SAMD8: variants seen among roughly 807,000 people sequenced by gnomAD.
SAMD8 encodes sphingomyelin synthase-related protein 1.
In SAMD8, 20 loss-of-function variants were observed where a neutral mutation model predicts 42.0. That is an observed-to-expected ratio of 0.48 (90% CI 0.34 to 0.69). The LOEUF is 0.69. SAMD8 is among the 30% of genes least tolerant of loss of function. The pLI, the probability that SAMD8 is intolerant of heterozygous loss-of-function variation, is 0.01. For missense variants in SAMD8, 328 were observed against 511.6 expected, an observed-to-expected ratio of 0.64 and a Z score of 3.46; for synonymous variants, 162 against 173.0, an observed-to-expected ratio of 0.94 and a Z score of 0.50.
chr10:75,109,339 T>C, upstream of SAMD8: 1 of 553,130 alleles, frequency 1.8e-6, no homozygotes, highest in Middle Eastern at 4.4e-4. Flanking sequence ...CCAAACTCCA[T>C]GAGAACACAG....
chr10:75,171,567 C>T (rs1266869439), intron 4 of SAMD8, among the ~76,000 whole-genome samples: 1 of 152,050 alleles, frequency 6.6e-6, no homozygotes, highest in East Asian at 1.9e-4. Context: ...TTGTGGATAC[C>T]AGGCTCCAAA....
At chr10:75,152,900 C>G (rs1345146785) in intron 2 of SAMD8, among the ~76,000 whole-genome samples, 2 of 152,132 alleles carry the variant, frequency 1.3e-5, no homozygotes, top group African/African-American at 4.8e-5. Context: ...AAACAGTAAA[C>G]AAGTACTCAG....
intron 2 of SAMD8, among the ~76,000 whole-genome samples, chr10:75,156,414 CTA>C (rs1163470776): frequency 4.6e-5 from 7 of 152,132 alleles, no homozygotes. Context: ...ATGATAAAAT[CTA>C]TTAGGTGAAA....
rs576320629 is a variant in SAMD8 at position 75,147,329 on chromosome 10, AT to A, written c.-15-3176del. Among the ~76,000 whole-genome samples, 3 of 151,360 alleles carry A rather than the reference AT, an allele frequency of 2.0e-5. No homozygotes were observed. The East Asian group carries it at 5.8e-4, about 29-fold the overall frequency. ...AAATCTGGCCTTGTATTTTTTATTTATTTTTTTTTATTTTTGAGACGGAGTC... is the reference window on the plus strand; with the variant it reads ...AAATCTGGCCTTGTATTTTTTATTTATTTTTTTTATTTTTGAGACGGAGTC... On this transcript the variant is annotated intron_variant, in intron 1 of 5. Coordinates refer to ENST00000542569, the MANE Select transcript of SAMD8 (RefSeq NM_001174156.2).
chr10:75,176,613 G>A lies in SAMD8; in HGVS notation c.1169G>A (p.Cys390Tyr). Residue 390 changes from cysteine (C) to tyrosine (Y), a missense_variant, in exon 6 of 6, where the codon TGC becomes TAC. Around this residue, in one of 2 missense-constraint regions of SAMD8, gnomAD observed 178 missense variants for 325.6 expected, o/e 0.55. Coordinates refer to ENST00000542569, the MANE Select transcript of SAMD8 (RefSeq NM_001174156.2). This position sits in a 1 kb window ranked among gnomAD's most constrained non-coding sequence, Gnocchi z 4.3. ...TTTCCCATGTTCTCTTTTTTTGAAT[G>A]CAATGTTAATGGCACAGTACCTAAT... ...IWFPMFSFFE[C>Y]NVNGTVPNEY... The A allele has an allele frequency of 6.5e-7, 1 of 1,550,374 alleles. No homozygotes were observed. Among genetic ancestry groups the A allele is most frequent in the Non-Finnish European group, 8.7e-7 (1 of 1,146,856 alleles).
chr10:75,107,976 G>C, upstream of SAMD8: 1 of 1,603,036 alleles, frequency 6.2e-7, no homozygotes, highest in Non-Finnish European at 8.5e-7. Context: ...ATATGGGCTT[G>C]GACCCCAAGT....
chr10:75,118,699 T>A (rs1246271086), intron 1 of SAMD8, among the ~76,000 whole-genome samples: 1 of 152,196 alleles, frequency 6.6e-6, no homozygotes, highest in Non-Finnish European at 1.5e-5. Flanking sequence ...GAGTAGTTTT[T>A]GTTTGCTGAA....
intron 1 of SAMD8, chr10:75,103,975 C>T: frequency 7.5e-7 from 1 of 1,340,056 alleles, no homozygotes; most frequent in African/African-American, 1.5e-5. Flanking sequence ...TAGGGCCGAC[C>T]CCACGCTGGG....
Position 75,181,974 on chromosome 10 carries a change from G to A in SAMD8, c.*5282G>A, listed in dbSNP as rs1589986189. ...ATTACTTGAAGATGTGAAAGTTCCT[G>A]TGGTAGCCATACCTTGAAGCACAGT... On this transcript the variant is annotated 3_prime_UTR_variant, in exon 6 of 6. Transcript: ENST00000542569. 1 of 152,150 alleles carries A rather than the reference G, an allele frequency of 6.6e-6. No individual in the cohort carries two copies. Among genetic ancestry groups the A allele is most frequent in the African/African-American group, 2.4e-5 (1 of 41,440 alleles). The allele number at this position is 152,150 out of a possible 1,614,324, so 9.4% of individuals were successfully genotyped here.
At chr10:75,143,902 A>G (rs1840075348) in intron 1 of SAMD8, among the ~76,000 whole-genome samples, 1 of 149,112 alleles carries the variant, frequency 6.7e-6, no homozygotes, top group African/African-American at 2.5e-5. Flanking sequence ...CCTCTCACTG[A>G]TGTTCTTTCT....
chr10:75,103,916 C>G, intron 1 of SAMD8: 1 of 1,313,714 alleles, frequency 7.6e-7, no homozygotes, highest in Middle Eastern at 2.2e-4. Context: ...AAGACAGTGG[C>G]TGAGAGGGGG....
intron 1 of SAMD8, among the ~76,000 whole-genome samples, chr10:75,141,438 G>A (rs1160428633): frequency 1.3e-5 from 2 of 151,454 alleles, no homozygotes; most frequent in Non-Finnish European, 2.9e-5. Context: ...ACTTATTCTA[G>A]TAACTGTTTT....
intron 3 of SAMD8, among the ~76,000 whole-genome samples, chr10:75,166,705 T>C (rs1320560281): frequency 1.3e-5 from 2 of 152,220 alleles, no homozygotes; most frequent in Non-Finnish European, 2.9e-5. Flanking sequence ...TTTTAAAACA[T>C]GTGTATCATT....
chr10:75,117,188 T>C (rs923385778), intron 1 of SAMD8, among the ~76,000 whole-genome samples: 1 of 150,962 alleles, frequency 6.6e-6, no homozygotes, highest in Non-Finnish European at 1.5e-5. Context: ...TTTGGGAAGC[T>C]GAGGTGGGTG....
intron 2 of SAMD8, among the ~76,000 whole-genome samples, chr10:75,162,219 C>CGTG (rs2132192263): frequency 6.6e-6 from 1 of 152,160 alleles, no homozygotes; most frequent in East Asian, 1.9e-4. Context: ...ATTAGCTGGG[C>CGTG]GTGGTGGTGG....
chr10:75,123,185 CCCCACCCCACCCCACCCCA>C, intron 1 of SAMD8, among the ~76,000 whole-genome samples: 1 of 144,468 alleles, frequency 6.9e-6, no homozygotes, highest in African/African-American at 2.6e-5. Context: ...CCCCACCCCA[CCCCACCCCACCCCACCCCA>C]CCCCACCCTG....
chr10:75,161,379 A>G (rs1410256616), intron 2 of SAMD8, among the ~76,000 whole-genome samples: 8 of 152,140 alleles, frequency 5.3e-5, no homozygotes, highest in Admixed American at 5.2e-4. Flanking sequence ...GCTGGTTGGG[A>G]TATCCTTTTC....
Position 75,111,680 on chromosome 10 carries a change from C to A in SAMD8, c.-58C>A. On this transcript the variant is annotated 5_prime_UTR_variant, in exon 1 of 6. Coordinates refer to ENST00000542569, the MANE Select transcript of SAMD8 (RefSeq NM_001174156.2). The stretch of plus-strand genomic sequence containing the variant: ...CGGACTCCGACGGCGGCTCGGACGC[C>A]GACTCGGAGGTGGGTCCGGGGAGCC... The A allele has an allele frequency of 8.1e-7, 1 of 1,239,210 alleles. No individual in the cohort carries two copies. The highest frequency in any genetic ancestry group is 3.7e-5 in the South Asian group (1 of 27,052). 76.8% of individuals were successfully genotyped at this position (1,239,210 alleles called of 1,614,324 possible).
chr10:75,135,991 C>CTTT (rs1839878808), intron 1 of SAMD8, among the ~76,000 whole-genome samples: 1 of 151,882 alleles, frequency 6.6e-6, no homozygotes, highest in African/African-American at 2.4e-5. Flanking sequence ...CTCTATCTTT[C>CTTT]CTAAAAATAA....
Sources: allele counts gnomAD v4.1 joint callset (sites outside exome capture counted in the v4.1 genomes callset), GRCh38; gene constraint gnomAD v4.1.1; regional missense constraint gnomAD v4.1.1; non-coding constraint Gnocchi (gnomAD v3.1); transcripts MANE v1.5; gene names NCBI Gene and HGNC (gene_info 2026-07-23, HGNC 2026-07-21).